Variants in CDK14 observed in about 807,000 individuals in gnomAD.
CDK14 encodes cyclin-dependent kinase 14.
In CDK14, 34 loss-of-function variants were observed where a neutral mutation model predicts 60.7. That is an observed-to-expected ratio of 0.56 (90% confidence interval 0.43 to 0.75). The LOEUF (loss-of-function observed/expected upper bound fraction) is 0.75, where lower values mean the gene tolerates loss of function less well. Ranked by LOEUF, CDK14 falls within the 30% of genes least tolerant of loss-of-function variation. The pLI is 0.00. For synonymous variants in CDK14, 197 were observed against 203.7 expected, an observed-to-expected ratio of 0.97 and a Z score of 0.28; for missense variants, 482 against 564.1, an observed-to-expected ratio of 0.85 and a Z score of 1.47.
intron 1 of CDK14, among the ~76,000 whole-genome samples, chr7:90,599,696 A>T (rs890726366): frequency 6.6e-6 from 1 of 152,258 alleles, no homozygotes; most frequent in African/African-American, 2.4e-5. Flanking sequence ...TGAATAATCC[A>T]CACTGCAACA....
intron 4 of CDK14, among the ~76,000 whole-genome samples, chr7:90,763,739 A>C (rs771776947): frequency 6.6e-6 from 1 of 152,090 alleles, no homozygotes; most frequent in Non-Finnish European, 1.5e-5. Flanking sequence ...GGGTGCAGCA[A>C]ACCAACACAG....
chr7:90,635,668 A>T, intron 2 of CDK14, among the ~76,000 whole-genome samples: 1 of 152,066 alleles, frequency 6.6e-6, no homozygotes, highest in East Asian at 1.9e-4. Flanking sequence ...CAATTCTGTG[A>T]AGAAAGTCAT....
intron 2 of CDK14, 107 bp downstream of exon 2, chr7:90,604,356 C>A: frequency 1.8e-6 from 1 of 560,812 alleles, no homozygotes; most frequent in Non-Finnish European, 3.1e-6. Context: ...CTTTAAAACG[C>A]GAGATAACAT....
chr7:90,967,005 C>A (rs1268916339), intron 9 of CDK14, among the ~76,000 whole-genome samples: 1 of 151,804 alleles, frequency 6.6e-6, no homozygotes, highest in Admixed American at 6.6e-5. Flanking sequence ...TGGGAGAAGA[C>A]AAATGCAGCA....
chr7:91,175,095 T>C (rs1801680516), intron 14 of CDK14, among the ~76,000 whole-genome samples: 1 of 146,998 alleles, frequency 6.8e-6, no homozygotes, highest in South Asian at 2.2e-4. Flanking sequence ...CCCATCAGAC[T>C]AACAGCGGAT....
chr7:90,845,257 C>T (rs866746796), intron 5 of CDK14, among the ~76,000 whole-genome samples: 3 of 151,998 alleles, frequency 2.0e-5, no homozygotes, highest in Admixed American at 6.6e-5. Context: ...TGCATATATT[C>T]CTGAGTCTTA....
intron 14 of CDK14, among the ~76,000 whole-genome samples, chr7:91,198,587 C>T (rs1256105383): frequency 6.6e-6 from 1 of 152,182 alleles, no homozygotes; most frequent in East Asian, 1.9e-4. Context: ...CTTGGTGACT[C>T]AAAATAACAT....
At chr7:90,883,787 T>C (rs1003031801) in intron 6 of CDK14, among the ~76,000 whole-genome samples, 2 of 152,156 alleles carry the variant, frequency 1.3e-5, no homozygotes, top group Admixed American at 1.3e-4. Context: ...GCTTAACATA[T>C]GCAAATCAAT....
intron 14 of CDK14, among the ~76,000 whole-genome samples, chr7:91,161,314 A>T (rs1801162754): frequency 6.6e-6 from 1 of 152,160 alleles, no homozygotes; most frequent in Admixed American, 6.5e-5. Context: ...CGGGCCAGAG[A>T]GTGGGTTTCT....
chr7:90,971,973 A>G (rs960778891), intron 9 of CDK14, among the ~76,000 whole-genome samples: 30 of 152,168 alleles, frequency 2.0e-4, no homozygotes, highest in African/African-American at 7.0e-4. Context: ...CCTTGAGTCT[A>G]CTGAACTACA....
intron 12 of CDK14, chr7:91,107,496 A>G (rs1322649304): frequency 2.0e-5 from 3 of 152,228 alleles, no homozygotes; most frequent in Non-Finnish European, 1.5e-5. Flanking sequence ...ATAATGGTAC[A>G]CTGCCATTTA....
chr7:91,176,164 A>G (rs1801745988), intron 14 of CDK14, among the ~76,000 whole-genome samples: 7 of 151,966 alleles, frequency 4.6e-5, no homozygotes, highest in Admixed American at 4.6e-4. Flanking sequence ...CTCACTCAAA[A>G]CTGCTCAACT....
chr7:90,884,933 G>A (rs575266116), intron 6 of CDK14, among the ~76,000 whole-genome samples: 116 of 152,130 alleles, frequency 7.6e-4, no homozygotes, highest in Admixed American at 2.0e-3. Context: ...ACAAAATTTA[G>A]TGCAAGATGG....
At chr7:91,185,488 A>ATTATGT (rs1802148104) in intron 14 of CDK14, among the ~76,000 whole-genome samples, 1 of 152,046 alleles carries the variant, frequency 6.6e-6, no homozygotes. Flanking sequence ...TACCATATAG[A>ATTATGT]ACTACTTTCC....
In CDK14 at chr7:90,902,687, G is replaced by A. The variant is rs146234111; in HGVS notation, c.702+3334G>A. Among the ~76,000 whole-genome samples, 219 of 152,044 alleles carry A rather than the reference G, an allele frequency of 1.4e-3. 1 individual carries two copies. The highest frequency in any genetic ancestry group is 4.8e-3 in the African/African-American group (199 of 41,512). On this transcript the variant is annotated intron_variant, in intron 7 of 14. Transcript: ENST00000380050. ...CATGGGAGAAACACTTCAGGGCTTC[G>A]GTCTAGGAAAAGATTCTATGACTAA... is the stretch of plus-strand genomic sequence containing the variant.
chr7:90,751,280 CA>C (rs1210370900), intron 4 of CDK14, among the ~76,000 whole-genome samples: 1 of 151,890 alleles, frequency 6.6e-6, no homozygotes, highest in Non-Finnish European at 1.5e-5. Flanking sequence ...AAGAAAAAAG[CA>C]AGATCACATA....
chr7:90,872,678 A>C (rs890064511), intron 6 of CDK14, among the ~76,000 whole-genome samples: 1 of 135,790 alleles, frequency 7.4e-6, no homozygotes, highest in Non-Finnish European at 1.6e-5. Flanking sequence ...TTTACATCAT[A>C]TCTATCATCT....
chr7:90,696,693 C>G (rs6965408), intron 2 of CDK14, among the ~76,000 whole-genome samples: 12,698 of 152,146 alleles, frequency 0.083, 599 homozygotes, highest in South Asian at 0.11. Context: ...AAATTGGGAA[C>G]CCTCAGTTTA....
At chr7:90,675,848 A>G (rs1273258767) in intron 2 of CDK14, among the ~76,000 whole-genome samples, 1 of 152,226 alleles carries the variant, frequency 6.6e-6, no homozygotes, top group East Asian at 1.9e-4. Flanking sequence ...TTACTTTTAC[A>G]AGTTATTTCA....
Sources: allele counts gnomAD v4.1 joint callset (sites outside exome capture counted in the v4.1 genomes callset), GRCh38; gene constraint gnomAD v4.1.1; transcripts MANE v1.5; gene names NCBI Gene and HGNC (gene_info 2026-07-23, HGNC 2026-07-21).